The following BMPER variants were observed in gnomAD, a reference collection of about 807,000 sequenced individuals.
BMPER encodes BMP-binding endothelial regulator protein.
BMPER carries 45 observed loss-of-function variants against 87.3 expected under a neutral mutation model. The ratio of observed to expected loss-of-function variants is 0.52; its 90% CI spans 0.41 to 0.66. BMPER has a LOEUF of 0.66. BMPER is among the 30% of genes least tolerant of loss of function. BMPER has a pLI of 0.00. For missense variants in BMPER, 784 were observed against 867.5 expected, an observed-to-expected ratio of 0.90 and a Z score of 1.21; for synonymous variants, 326 against 316.2, an observed-to-expected ratio of 1.03 and a Z score of -0.33.
In BMPER at chr7:34,043,380, G is replaced by C. The variant is rs2127956529; in HGVS notation, c.577-2926G>C. On this transcript the variant is annotated intron_variant, in intron 6 of 14. Coordinates refer to ENST00000649409, the MANE Select transcript of BMPER (RefSeq NM_001365308.1). Reference sequence around the variant, plus strand: ...CTGTCTAGTAGAGAGAAAAGTGAGAGCATGGAGAATTGATGTAGACCTATA... The same window carrying C: ...CTGTCTAGTAGAGAGAAAAGTGAGACCATGGAGAATTGATGTAGACCTATA... 2.0e-5 allele frequency among the ~76,000 whole-genome samples: 3 copies of C among 152,226 alleles called. No individual in the cohort carries two copies. In the Middle Eastern group the frequency reaches 0.01, roughly 518 times the overall value.
intron 2 of BMPER, among the ~76,000 whole-genome samples, chr7:33,912,134 AAAC>A (rs1009397070): frequency 2.6e-4 from 40 of 152,152 alleles, no homozygotes; most frequent in African/African-American, 8.9e-4. Context: ...ACAAACAAAC[AAAC>A]AACAACAAAA....
chr7:34,134,380 G>T (rs577529762), intron 13 of BMPER, among the ~76,000 whole-genome samples: 2 of 152,266 alleles, frequency 1.3e-5, no homozygotes, highest in East Asian at 1.9e-4. Context: ...GGCCACTAGA[G>T]GGGGGTCGTG....
chr7:33,947,432 G>GT (rs1784915793), intron 3 of BMPER, among the ~76,000 whole-genome samples: 1 of 152,150 alleles, frequency 6.6e-6, no homozygotes, highest in Admixed American at 6.5e-5. Flanking sequence ...GTCAAGTGGG[G>GT]TTTATTTTCC....
rs1406653952 is a variant in BMPER at position 34,155,900 on chromosome 7, T to G, written c.*2627T>G. ...TTTGATGAGAAACAAGCACCCTCAA[T>G]GAAGAACAAGCATAATTATGATTCT... On this transcript the variant is annotated 3_prime_UTR_variant, in exon 15 of 15. Transcript: ENST00000649409. The G allele has an allele frequency of 6.6e-6, 1 of 152,226 alleles. No individual in the cohort carries two copies. The highest frequency in any genetic ancestry group is 1.5e-5 in the Non-Finnish European group (1 of 68,044). 9.4% of individuals were successfully genotyped at this position (152,226 alleles called of 1,614,324 possible). A position where few individuals can be genotyped will look rare whatever the true frequency, so the allele number is the denominator to read the frequency against.
intron 6 of BMPER, among the ~76,000 whole-genome samples, chr7:33,992,930 A>G (rs1359775831): frequency 7.6e-5 from 11 of 143,822 alleles, no homozygotes; most frequent in African/African-American, 2.6e-4. Context: ...TTCTTTAAGA[A>G]TGTTGAATAT....
At chr7:34,149,063 G>C (rs976536010) in intron 14 of BMPER, among the ~76,000 whole-genome samples, 1 of 152,088 alleles carries the variant, frequency 6.6e-6, no homozygotes, top group Non-Finnish European at 1.5e-5. Context: ...CTGCTCCCCC[G>C]TGCCTGTCCC....
At chr7:34,050,858 A>G (rs1788129487) in intron 7 of BMPER, among the ~76,000 whole-genome samples, 3 of 152,254 alleles carry the variant, frequency 2.0e-5, no homozygotes, top group Admixed American at 6.5e-5. Flanking sequence ...TTCTACAGAG[A>G]TACTATGCCT....
chr7:33,929,291 G>A (rs1020014782), intron 2 of BMPER, among the ~76,000 whole-genome samples: 27 of 152,266 alleles, frequency 1.8e-4, no homozygotes, highest in Admixed American at 1.2e-3. Context: ...AATTATGGCC[G>A]TGGGATGCTG....
chr7:34,072,808 T>G (rs997383711), intron 11 of BMPER, among the ~76,000 whole-genome samples: 1 of 152,162 alleles, frequency 6.6e-6, no homozygotes, highest in Non-Finnish European at 1.5e-5. Flanking sequence ...TTGTTCTGAT[T>G]CTGATTTAGC....
chr7:34,113,328 G>A (rs1055658063), intron 13 of BMPER, among the ~76,000 whole-genome samples: 1 of 151,178 alleles, frequency 6.6e-6, no homozygotes, highest in Admixed American at 6.6e-5. Flanking sequence ...ATATGCAAGT[G>A]TTACCTTTTT....
intron 13 of BMPER, among the ~76,000 whole-genome samples, chr7:34,090,843 T>C (rs1479353667): frequency 6.6e-6 from 1 of 152,202 alleles, no homozygotes; most frequent in South Asian, 2.1e-4. Context: ...TGTTTTCCTC[T>C]CTGCACTCTC....
chr7:33,939,876 G>A lies in BMPER; in HGVS notation c.319+2488G>A, dbSNP rs116805640. Reference sequence around the variant, plus strand: ...GTGTGAAAATGAACTAATACAGTGAGTCTGACTTTTCAGGGGCCCTGGGGT... The same window carrying A: ...GTGTGAAAATGAACTAATACAGTGAATCTGACTTTTCAGGGGCCCTGGGGT... On this transcript the variant is annotated intron_variant, in intron 3 of 14. Transcript: ENST00000649409. 3.9e-3 allele frequency: 817 copies of A among 210,914 alleles called. 9 individuals carry two copies. Among genetic ancestry groups the A allele is most frequent in the African/African-American group, 0.017 (748 of 43,774 alleles). 13.1% of individuals were successfully genotyped at this position (210,914 alleles called of 1,614,324 possible). A position where few individuals can be genotyped will look rare whatever the true frequency, so the allele number is the denominator to read the frequency against.
At chr7:33,985,680 A>G (rs111242010) in intron 6 of BMPER, among the ~76,000 whole-genome samples, 1 of 150,878 alleles carries the variant, frequency 6.6e-6, no homozygotes, top group Non-Finnish European at 1.5e-5. Context: ...TTTTCATGGC[A>G]TTTGGCTTCT....
intron 13 of BMPER, among the ~76,000 whole-genome samples, chr7:34,141,431 G>A (rs1790866349): frequency 6.6e-6 from 1 of 151,906 alleles, no homozygotes; most frequent in Admixed American, 6.6e-5. Flanking sequence ...CCAACATGGT[G>A]AAACCCTGTC....
intron 6 of BMPER, among the ~76,000 whole-genome samples, chr7:34,024,244 G>A (rs1787277970): frequency 6.7e-6 from 1 of 148,232 alleles, no homozygotes; most frequent in Non-Finnish European, 1.5e-5. Context: ...TGTAATCCCA[G>A]CTACTGGGGA....
intron 3 of BMPER, among the ~76,000 whole-genome samples, chr7:33,956,315 T>A (rs1785146835): frequency 6.6e-6 from 1 of 152,126 alleles, no homozygotes; most frequent in Non-Finnish European, 1.5e-5. Flanking sequence ...AGGCAAAAGA[T>A]ATGAAGAGAC....
intron 3 of BMPER, among the ~76,000 whole-genome samples, chr7:33,958,514 A>G (rs547425650): frequency 6.6e-6 from 1 of 152,294 alleles, no homozygotes; most frequent in Admixed American, 6.5e-5. Context: ...CTGGCTTTGT[A>G]CCACCGCTGG....
At chr7:33,988,666 C>G (rs1395136206) in intron 6 of BMPER, among the ~76,000 whole-genome samples, 3 of 151,708 alleles carry the variant, frequency 2.0e-5, no homozygotes, top group Non-Finnish European at 4.4e-5. Flanking sequence ...GCACATTGTG[C>G]AGGTTAGTCA....
At chr7:34,034,977 C>T (rs1250011825) in intron 6 of BMPER, among the ~76,000 whole-genome samples, 3 of 149,796 alleles carry the variant, frequency 2.0e-5, no homozygotes, top group Admixed American at 6.6e-5. Flanking sequence ...CATGCTGGGA[C>T]CCCCCACCAC....
Sources: allele counts gnomAD v4.1 joint callset (sites outside exome capture counted in the v4.1 genomes callset), GRCh38; gene constraint gnomAD v4.1.1; transcripts MANE v1.5; gene names NCBI Gene and HGNC (gene_info 2026-07-23, HGNC 2026-07-21).